PLEKHA8: variants seen among roughly 807,000 people sequenced by gnomAD.
The protein encoded by PLEKHA8 is pleckstrin homology domain containing A8.
In PLEKHA8, 36 loss-of-function variants were observed where a neutral mutation model predicts 68.2. The ratio of observed to expected loss-of-function variants is 0.53; its 90% CI spans 0.40 to 0.70. PLEKHA8 has a LOEUF of 0.70. PLEKHA8 is among the 30% of genes least tolerant of loss of function. The pLI is 0.00. For synonymous variants in PLEKHA8, 211 were observed against 216.1 expected (o/e 0.98, Z 0.20); for missense variants, 505 against 615.4 (o/e 0.82, Z 1.90).
At chr7:30,055,224 A>C in intron 8 of PLEKHA8, 33 bp from the exon 9 acceptor site, 1 of 1,584,830 alleles carries the variant, frequency 6.3e-7, no homozygotes, top group East Asian at 2.2e-5. Flanking sequence ...TGTATTTTCA[A>C]TCTTTTCTCC....
chr7:30,061,872 G>A (rs769294008), intron 10 of PLEKHA8, 25 bp from the exon 11 acceptor site: 10 of 1,612,502 alleles, frequency 6.2e-6, no homozygotes, highest in Non-Finnish European at 7.6e-6. Flanking sequence ...TTTAAACTTA[G>A]GTTGTTTCCC....
chr7:30,103,926 A>G (rs1290413100), intron 13 of PLEKHA8, among the ~76,000 whole-genome samples: 1 of 152,238 alleles, frequency 6.6e-6, no homozygotes, highest in Non-Finnish European at 1.5e-5. Context: ...AATACAAGCC[A>G]TAGATGAGAG....
Position 30,083,257 on chromosome 7 carries a change from G to C in PLEKHA8, c.*4470G>C. On this transcript the variant is annotated 3_prime_UTR_variant, in exon 14 of 14. Coordinates refer to ENST00000449726, the MANE Select transcript of PLEKHA8 (RefSeq NM_001197026.2). ...TGTATATAGAATGCTTTCGTTAGAA[G>C]TACATTCTACTTCTGTATGTCCCTT... 1.0e-6 allele frequency: 1 copy of C among 981,698 alleles called. No homozygotes were observed. The highest frequency in any genetic ancestry group is 1.2e-6 in the Non-Finnish European group (1 of 826,572). 60.8% of individuals were successfully genotyped at this position (981,698 alleles called of 1,614,324 possible). A position where few individuals can be genotyped will look rare whatever the true frequency, so the allele number is the denominator to read the frequency against.
chr7:30,098,094 C>T (rs969815005), intron 13 of PLEKHA8, among the ~76,000 whole-genome samples: 2 of 152,216 alleles, frequency 1.3e-5, no homozygotes, highest in Non-Finnish European at 2.9e-5. Flanking sequence ...AGGTCCACTC[C>T]AGACCCTGTT....
chr7:30,115,862 GCA>G (rs1251340939), intron 13 of PLEKHA8: 3 of 146,728 alleles, frequency 2.0e-5, no homozygotes, highest in Non-Finnish European at 3.0e-5. Context: ...ATACATACGT[GCA>G]CATACATGTA....
downstream of PLEKHA8, among the ~76,000 whole-genome samples, chr7:30,087,766 T>G (rs1795238476): frequency 6.6e-6 from 1 of 152,182 alleles, no homozygotes; most frequent in African/African-American, 2.4e-5. Flanking sequence ...CTCATCCTTA[T>G]TCCTGGAAGC....
chr7:30,073,987 T>TAAA, intron 12 of PLEKHA8, 84 bp from the exon 13 acceptor site: 2 of 1,178,118 alleles, frequency 1.7e-6, no homozygotes, highest in Non-Finnish European at 2.4e-6. Flanking sequence ...CCCTGTCTCT[T>TAAA]TAAAAAAAAA....
intron 13 of PLEKHA8, among the ~76,000 whole-genome samples, chr7:30,110,352 G>A (rs1053227359): frequency 8.5e-5 from 13 of 152,246 alleles, no homozygotes; most frequent in East Asian, 7.7e-4. Flanking sequence ...TTAGTACTTC[G>A]TTCCTTTATA....
chr7:30,090,259 C>T (rs1273264994), exon 13 of PLEKHA8: 1 of 1,497,434 alleles, frequency 6.7e-7, no homozygotes, highest in African/African-American at 1.4e-5. Context: ...AAGCAAGTCA[C>T]CAAGGGACCT....
In PLEKHA8 at chr7:30,054,835, T is replaced by A; in HGVS notation, c.923T>A (p.Ile308Asn). 2.5e-6 allele frequency: 4 copies of A among 1,610,666 alleles called. No homozygotes were observed. Among genetic ancestry groups the A allele is most frequent in the Non-Finnish European group, 3.4e-6 (4 of 1,178,230 alleles). ...CTCTGGGAGGAAGGCAAAGAAGTTATCCCAACTTTCTTTAGTACCATGAAC... is the reference window on the plus strand; with the variant it reads ...CTCTGGGAGGAAGGCAAAGAAGTTAACCCAACTTTCTTTAGTACCATGAAC... ...ECLWEEGKEVIPTFFSTMNTS... is the reference protein window; with the variant it reads ...ECLWEEGKEVNPTFFSTMNTS... Residue 308 changes from isoleucine (I) to asparagine (N), a missense_variant, in exon 8 of 14, where the codon ATC (isoleucine) becomes AAC (asparagine). Coordinates refer to ENST00000449726, the MANE Select transcript of PLEKHA8 (RefSeq NM_001197026.2).
chr7:30,068,872 A>T (rs1448701456), intron 12 of PLEKHA8, among the ~76,000 whole-genome samples: 1 of 152,068 alleles, frequency 6.6e-6, no homozygotes, highest in Non-Finnish European at 1.5e-5. Flanking sequence ...TTATGTCTTT[A>T]ATCTTCCTGG....
chr7:30,087,087 G>C (rs941728925), downstream of PLEKHA8, among the ~76,000 whole-genome samples: 1 of 152,214 alleles, frequency 6.6e-6, no homozygotes, highest in Non-Finnish European at 1.5e-5. Context: ...TGTATGGCCA[G>C]TTTTAGGACC....
chr7:30,040,239 C>T (rs1791425971), intron 1 of PLEKHA8, among the ~76,000 whole-genome samples: 1 of 152,154 alleles, frequency 6.6e-6, no homozygotes, highest in African/African-American at 2.4e-5. Flanking sequence ...GGGTGTCTTA[C>T]CTTCAGGAAT....
chr7:30,059,695 A>T (rs1793283797), intron 9 of PLEKHA8, among the ~76,000 whole-genome samples: 3 of 136,736 alleles, frequency 2.2e-5, no homozygotes, highest in Non-Finnish European at 4.8e-5. Context: ...GAATTCCTCT[A>T]TCTTTTCTCT....
At chr7:30,069,950 T>G (rs1583426769) in intron 12 of PLEKHA8, 1 of 152,120 alleles carries the variant, frequency 6.6e-6, no homozygotes, top group East Asian at 1.9e-4. Flanking sequence ...TACTCCCAGA[T>G]TATAGAACAT....
intron 4 of PLEKHA8, among the ~76,000 whole-genome samples, chr7:30,048,205 G>T (rs999201696): frequency 6.6e-6 from 1 of 152,044 alleles, no homozygotes; most frequent in Admixed American, 6.6e-5. Context: ...TTCATCATAT[G>T]CGTGTGTATA....
intron 13 of PLEKHA8, among the ~76,000 whole-genome samples, chr7:30,112,094 A>G (rs1224972643): frequency 6.6e-6 from 1 of 152,240 alleles, no homozygotes; most frequent in African/African-American, 2.4e-5. Context: ...CAGACAAAAA[A>G]GACTTAAAAA....
At chr7:30,036,401 GGATAGAATA>G (rs1288277830) in intron 1 of PLEKHA8, among the ~76,000 whole-genome samples, 3 of 147,472 alleles carry the variant, frequency 2.0e-5, no homozygotes, top group African/African-American at 7.6e-5. Flanking sequence ...AGATAGGATA[GGATAGAATA>G]GATAGATAGA....
intron 13 of PLEKHA8, among the ~76,000 whole-genome samples, chr7:30,076,857 G>A (rs1052071298): frequency 2.6e-5 from 4 of 152,028 alleles, no homozygotes; most frequent in African/African-American, 4.8e-5. Context: ...AACTAATCTC[G>A]GTTGCTGAGG....
Sources: gnomAD v4.1 joint callset for allele counts (sites outside exome capture counted in the v4.1 genomes callset) on GRCh38, gnomAD v4.1.1 for gene constraint, MANE v1.5 for transcripts, NCBI Gene and HGNC (gene_info 2026-07-23, HGNC 2026-07-21) for gene names.